Variants in SERGEF observed in about 807,000 individuals in gnomAD.
SERGEF encodes secretion regulating guanine nucleotide exchange factor.
Under a neutral mutation model 50.0 loss-of-function variants are expected in SERGEF, and 51 were observed. The observed-to-expected ratio is 1.02, with a 90% CI of 0.81 to 1.29. The LOEUF is 1.29. SERGEF is among the 50% of genes most tolerant of loss of function. SERGEF has a pLI of 0.00. For missense variants in SERGEF, 521 were observed against 557.0 expected (o/e 0.94, Z 0.65); for synonymous variants, 205 against 212.4 (o/e 0.97, Z 0.30).
At chr11:17,944,498 T>C (rs1852618964) in intron 9 of SERGEF, among the ~76,000 whole-genome samples, 1 of 152,230 alleles carries the variant, frequency 6.6e-6, no homozygotes, top group Admixed American at 6.5e-5. Flanking sequence ...TTAGAATCTT[T>C]CAACCTGGAA....
At chr11:17,849,153 C>T (rs981427741) in intron 10 of SERGEF, among the ~76,000 whole-genome samples, 21 of 152,086 alleles carry the variant, frequency 1.4e-4, no homozygotes, top group African/African-American at 2.7e-4. Context: ...GCTCTATATA[C>T]GAGTCTATTT....
intron 10 of SERGEF, among the ~76,000 whole-genome samples, chr11:17,873,942 A>C (rs959314615): frequency 1.3e-5 from 2 of 152,204 alleles, no homozygotes; most frequent in South Asian, 4.1e-4. Context: ...CAACAGCTGG[A>C]GCCAATTCAT....
chr11:17,905,082 G>C (rs1324880468), intron 9 of SERGEF, among the ~76,000 whole-genome samples: 1 of 152,162 alleles, frequency 6.6e-6, no homozygotes, highest in Non-Finnish European at 1.5e-5. Flanking sequence ...ATAAGAATAT[G>C]GGTACACATT....
intron 10 of SERGEF, among the ~76,000 whole-genome samples, chr11:17,808,148 A>G (rs1272745934): frequency 1.3e-5 from 2 of 152,178 alleles, no homozygotes; most frequent in Non-Finnish European, 2.9e-5. Context: ...TGAACTTCTT[A>G]TCTGTCCTCC....
intron 9 of SERGEF, among the ~76,000 whole-genome samples, chr11:17,916,753 T>C (rs563897059): frequency 2.5e-4 from 38 of 152,364 alleles, no homozygotes; most frequent in African/African-American, 9.1e-4. Context: ...AGTTACTCTA[T>C]GGACATGTAC....
chr11:17,928,481 A>G (rs1590202754), intron 9 of SERGEF, among the ~76,000 whole-genome samples: 1 of 152,294 alleles, frequency 6.6e-6, no homozygotes, highest in Admixed American at 6.5e-5. Context: ...GGGAGAAGCC[A>G]GTTTCTGACT....
At chr11:17,872,400 G>A (rs79824374) in intron 10 of SERGEF, among the ~76,000 whole-genome samples, 7,595 of 152,142 alleles carry the variant, frequency 0.05, 215 homozygotes, top group African/African-American at 0.067. Context: ...TATTATATAC[G>A]TTATACTTCA....
chr11:17,872,864 A>G (rs512819), intron 10 of SERGEF, among the ~76,000 whole-genome samples: 46,825 of 152,106 alleles, frequency 0.31, 7,786 homozygotes, highest in East Asian at 0.51. Context: ...AAAATTGTTG[A>G]GAAAAATCAG....
chr11:17,853,782 A>T (rs989964738), intron 10 of SERGEF: 1 of 152,270 alleles, frequency 6.6e-6, no homozygotes, highest in Non-Finnish European at 1.5e-5. Flanking sequence ...ACCTGAGGTC[A>T]GGAGTTTGAG....
rs918181868 is a variant in SERGEF, at chr11:17,988,651, T to G, written c.790A>C (p.Asn264His). 6.2e-7 allele frequency: 1 copy of G among 1,614,048 alleles called. No individual in the cohort carries two copies. The highest frequency in any genetic ancestry group is 1.3e-5 in the African/African-American group (1 of 74,912). The part of the protein sequence containing the change: ...PQKIEAHCFQ[N>H]EKVTAIWSGW... ...CTCCAGATGGCAGTGACCTTTTCATTCTGGAAACAATGTGCTTCTATTTTC... is the reference window on the plus strand; with the variant it reads ...CTCCAGATGGCAGTGACCTTTTCATGCTGGAAACAATGTGCTTCTATTTTC... Residue 264 changes from asparagine to histidine, a missense_variant, in exon 8 of 11, where the codon AAT (asparagine) becomes CAT (histidine). Physicochemically the swap from Asn to His is moderately conservative, Grantham distance 68. Coordinates refer to ENST00000265965, the MANE Select transcript of SERGEF (RefSeq NM_012139.4).
chr11:17,944,191 T>G (rs906902988), intron 9 of SERGEF, among the ~76,000 whole-genome samples: 2 of 152,192 alleles, frequency 1.3e-5, no homozygotes, highest in Non-Finnish European at 2.9e-5. Flanking sequence ...CCTCCCAAAG[T>G]GCTGGGATTA....
At chr11:17,964,593 A>G (rs1357031377) in intron 8 of SERGEF, among the ~76,000 whole-genome samples, 2 of 152,228 alleles carry the variant, frequency 1.3e-5, no homozygotes, top group African/African-American at 4.8e-5. Context: ...TATAAAAAGA[A>G]AATCCATGGG....
chr11:17,945,986 CA>C (rs1049747365), intron 9 of SERGEF, among the ~76,000 whole-genome samples: 2 of 151,742 alleles, frequency 1.3e-5, no homozygotes, highest in Non-Finnish European at 2.9e-5. Flanking sequence ...CTCAAAAAAA[CA>C]AAAAACAAAA....
intron 9 of SERGEF, among the ~76,000 whole-genome samples, chr11:17,899,831 C>A (rs1226287012): frequency 6.6e-6 from 1 of 151,872 alleles, no homozygotes; most frequent in African/African-American, 2.4e-5. Flanking sequence ...TAGCACACAC[C>A]TGTAGTCCTA....
intron 9 of SERGEF, among the ~76,000 whole-genome samples, chr11:17,934,609 T>A (rs1242384237): frequency 1.3e-5 from 2 of 152,170 alleles, no homozygotes; most frequent in Non-Finnish European, 2.9e-5. Context: ...AAAAACTTTA[T>A]AAAGACCCCC....
At chr11:17,867,542 C>G (rs1481392251) in intron 10 of SERGEF, among the ~76,000 whole-genome samples, 1 of 152,166 alleles carries the variant, frequency 6.6e-6, no homozygotes, top group Non-Finnish European at 1.5e-5. Flanking sequence ...TTTGCAGGTG[C>G]ACAGCTGTCA....
intron 10 of SERGEF, among the ~76,000 whole-genome samples, chr11:17,835,400 T>C (rs1029964303): frequency 6.6e-6 from 1 of 152,114 alleles, no homozygotes; most frequent in African/African-American, 2.4e-5. Flanking sequence ...CCTAGGGTGG[T>C]GGTAAGAGGC....
intron 10 of SERGEF, among the ~76,000 whole-genome samples, chr11:17,844,633 T>C (rs1036838808): frequency 6.6e-6 from 1 of 152,136 alleles, no homozygotes; most frequent in African/African-American, 2.4e-5. Context: ...AGAATGGAGA[T>C]GTCCTGCCCA....
chr11:17,846,941 G>C (rs775292371), intron 10 of SERGEF, among the ~76,000 whole-genome samples: 1 of 152,184 alleles, frequency 6.6e-6, no homozygotes, highest in Admixed American at 6.5e-5. Flanking sequence ...CTGTGTCTTA[G>C]ATGTGTGTGT....
Sources: allele counts gnomAD v4.1 joint callset (sites outside exome capture counted in the v4.1 genomes callset), GRCh38; gene constraint gnomAD v4.1.1; transcripts MANE v1.5; gene names NCBI Gene and HGNC (gene_info 2026-07-23, HGNC 2026-07-21).